Variants in MED20 observed in about 807,000 individuals in gnomAD.
MED20 encodes mediator of RNA polymerase II transcription subunit 20.
In MED20, 19 loss-of-function variants were observed where a neutral mutation model predicts 19.7. That is an observed-to-expected ratio of 0.96 (90% CI 0.67 to 1.42). MED20 has a LOEUF of 1.42. MED20 is among the 40% of genes most tolerant of loss of function. MED20 has a pLI of 0.00. For missense variants in MED20, 225 were observed against 273.0 expected (o/e 0.82, Z 1.24); for synonymous variants, 105 against 104.8 (o/e 1.00, Z -0.01).
chr6:41,913,647 C>T (rs1226971926), intron 2 of MED20, among the ~76,000 whole-genome samples: 1 of 152,134 alleles, frequency 6.6e-6, no homozygotes, highest in Non-Finnish European at 1.5e-5. Flanking sequence ...TGCCTGTAAT[C>T]CTAGCACTTT....
chr6:41,907,217 A>G lies in MED20; in HGVS notation c.494T>C (p.Leu165Pro), dbSNP rs1280849529. The change falls in exon 4 of 4, where the codon CTA (leucine) becomes CCA (proline). Residue 165 changes from leucine to proline, a missense_variant. Leu to Pro is a moderately conservative substitution (Grantham distance 98). Coordinates refer to ENST00000265350, the MANE Select transcript of MED20 (RefSeq NM_004275.5). ...GGGAGCCCCTGGTGTGTGGCTGCCT[A>G]GAAAACTCTGTAGGAACTCGAGCAG... The part of the protein sequence containing the change: ...SLLLEFLQSF[L>P]GSHTPGAPAV... 17 of 1,613,900 alleles carry G rather than the reference A, an allele frequency of 1.1e-5. No individual in the cohort carries two copies. The highest frequency in any genetic ancestry group is 3.3e-5 in the South Asian group (3 of 91,070).
chr6:41,919,060 C>A (rs1031649702), intron 1 of MED20, among the ~76,000 whole-genome samples: 2 of 138,520 alleles, frequency 1.4e-5, no homozygotes, highest in Non-Finnish European at 3.0e-5. Flanking sequence ...ACCCGGGAGG[C>A]GGAGCTTGCA....
Position 41,906,449 on chromosome 6 carries a change from C to G in MED20, c.*623G>C, listed in dbSNP as rs1271836522. 2.6e-5 allele frequency: 4 copies of G among 152,374 alleles called. No individual in the cohort carries two copies. The highest frequency in any genetic ancestry group is 5.9e-5 in the Non-Finnish European group (4 of 68,196). 9.4% of individuals were successfully genotyped at this position (152,374 alleles called of 1,614,324 possible). A position where few individuals can be genotyped will look rare whatever the true frequency, so the allele number is the denominator to read the frequency against. On this transcript the variant is annotated 3_prime_UTR_variant, in exon 4 of 4. Transcript: ENST00000265350. ...AAACTTCGATCTTATAGCAGTTTGG[C>G]CTGTGGCTTAACATATTTCACAACA...
Position 41,905,949 on chromosome 6 carries a change from C to T in MED20, c.*1123G>A, listed in dbSNP as rs1270260836. On this transcript the variant is annotated 3_prime_UTR_variant, in exon 4 of 4. Transcript: ENST00000265350. ...AAGCGGCTCTGAGATCAGCCCTTCTCTCAAGTCAACTCATAAACAAATGCT... is the reference window on the plus strand; with the variant it reads ...AAGCGGCTCTGAGATCAGCCCTTCTTTCAAGTCAACTCATAAACAAATGCT... The T allele has an allele frequency of 6.6e-6, 1 of 152,206 alleles. No homozygotes were observed. The highest frequency in any genetic ancestry group is 1.5e-5 in the Non-Finnish European group (1 of 68,044). 9.4% of individuals were successfully genotyped at this position (152,206 alleles called of 1,614,324 possible).
intron 1 of MED20, among the ~76,000 whole-genome samples, chr6:41,920,106 C>T (rs1192733549): frequency 6.6e-6 from 1 of 152,138 alleles, no homozygotes; most frequent in Non-Finnish European, 1.5e-5. Context: ...GAGCACTGGA[C>T]CCATACCTTT....
At chr6:41,914,261 C>T (rs1775261198) in intron 2 of MED20, among the ~76,000 whole-genome samples, 1 of 152,196 alleles carries the variant, frequency 6.6e-6, no homozygotes, top group Admixed American at 6.5e-5. Flanking sequence ...AAGACACAGC[C>T]ATGGCTAGAG....
chr6:41,910,067 A>G lies in MED20; in HGVS notation c.170-545T>C, dbSNP rs923343661. On this transcript the variant is annotated intron_variant, in intron 2 of 3. Coordinates refer to ENST00000265350, the MANE Select transcript of MED20 (RefSeq NM_004275.5). ...AGCAGGGAAAGGTAGATGGGATCCA[A>G]GCTGTGATAGGTCTTATCTACCATG... is the stretch of plus-strand genomic sequence containing the variant. Among the ~76,000 whole-genome samples the G allele has an allele frequency of 3.3e-5, 5 of 152,092 alleles. No homozygotes were observed. In the South Asian group the frequency reaches 1.0e-3, roughly 32 times the overall value.
chr6:41,916,560 A>G (rs1384110405), intron 2 of MED20, among the ~76,000 whole-genome samples: 2 of 152,194 alleles, frequency 1.3e-5, no homozygotes, highest in Non-Finnish European at 2.9e-5. Flanking sequence ...AGCCTGGGCA[A>G]CAAGAGCAAA....
At chr6:41,911,278 G>A (rs1306476854) in intron 2 of MED20, among the ~76,000 whole-genome samples, 2 of 151,552 alleles carry the variant, frequency 1.3e-5, no homozygotes, top group Non-Finnish European at 2.9e-5. Context: ...AGCCTCCTGA[G>A]TAGCTGGGAT....
chr6:41,916,882 A>G lies in MED20; in HGVS notation c.72T>C (p.Leu24=). ...CCCCAAGCATCTCCAATTTCCGGGT[A>G]AGGAGCTCTACGGTTTGCTGAACAC... ...GKSVQQTVEL[L]TRKLEMLGAE... The change falls in exon 2 of 4, where the codon CTT becomes CTC. Residue 24 remains leucine (L), a synonymous_variant. Coordinates refer to ENST00000265350, the MANE Select transcript of MED20 (RefSeq NM_004275.5). The G allele has an allele frequency of 6.2e-7, 1 of 1,614,094 alleles. No homozygotes were observed. The highest frequency in any genetic ancestry group is 8.5e-7 in the Non-Finnish European group (1 of 1,179,982).
At chr6:41,913,965 A>G (rs567736875) in intron 2 of MED20, among the ~76,000 whole-genome samples, 1 of 152,342 alleles carries the variant, frequency 6.6e-6, no homozygotes, top group South Asian at 2.1e-4. Flanking sequence ...TTAGCACAAC[A>G]TGAGGAGAGA....
chr6:41,906,948 C>T lies in MED20; in HGVS notation c.*124G>A, dbSNP rs555403470. 1.2e-6 allele frequency: 1 copy of T among 818,862 alleles called. No individual in the cohort carries two copies. Among genetic ancestry groups the T allele is most frequent in the Non-Finnish European group, 1.9e-6 (1 of 521,666 alleles). The allele number at this position is 818,862 out of a possible 1,614,324, so 50.7% of individuals were successfully genotyped here. On this transcript the variant is annotated 3_prime_UTR_variant, in exon 4 of 4. Coordinates refer to ENST00000265350, the MANE Select transcript of MED20 (RefSeq NM_004275.5). ...CCAGAACAAAAGCCACAGCTGAGAA[C>T]CAGAGAAGGAGAGTAGAGTCCATGT... is the stretch of plus-strand genomic sequence containing the variant.
At chr6:41,919,192 G>A (rs936071141) in intron 1 of MED20, among the ~76,000 whole-genome samples, 1 of 149,994 alleles carries the variant, frequency 6.7e-6, no homozygotes, top group Non-Finnish European at 1.5e-5. Flanking sequence ...TAAATAACTT[G>A]CACTAGGTCA....
At chr6:41,910,644 A>C (rs969003500) in intron 2 of MED20, among the ~76,000 whole-genome samples, 3 of 151,274 alleles carry the variant, frequency 2.0e-5, no homozygotes, top group African/African-American at 7.3e-5. Context: ...AAAAAAAAAA[A>C]GAAAAAAAAA....
chr6:41,920,589 A>G (rs377177866), intron 1 of MED20, among the ~76,000 whole-genome samples: 19 of 152,138 alleles, frequency 1.2e-4, no homozygotes, highest in African/African-American at 4.1e-4. Flanking sequence ...AGCGTGGCCA[A>G]TATGGTGAAA....
At chr6:41,920,318 A>T (rs1298379380) in intron 1 of MED20, among the ~76,000 whole-genome samples, 2 of 152,194 alleles carry the variant, frequency 1.3e-5, no homozygotes, top group Non-Finnish European at 1.5e-5. Context: ...TTAGAAACAG[A>T]CACAAGCGGG....
At chr6:41,916,737 T>C in intron 2 of MED20, 48 bp downstream of exon 2, 1 of 1,603,926 alleles carries the variant, frequency 6.2e-7, no homozygotes, top group Non-Finnish European at 8.5e-7. Context: ...CAAATGTCTC[T>C]TAACTCCAAG....
chr6:41,907,384 C>G, intron 3 of MED20, 97 bp from the exon 4 acceptor site: 1 of 1,195,540 alleles, frequency 8.4e-7, no homozygotes, highest in African/African-American at 1.5e-5. Context: ...CTTCCCCAAC[C>G]CCGAGCTAAA....
At position 41,905,521 on chromosome 6, in the gene MED20, A is replaced by G. The variant is rs1775024529; in HGVS notation, c.*1551T>C. 6.6e-6 allele frequency: 1 copy of G among 152,222 alleles called. No individual in the cohort carries two copies. The highest frequency in any genetic ancestry group is 6.5e-5 in the Admixed American group (1 of 15,270). 9.4% of individuals were successfully genotyped at this position (152,222 alleles called of 1,614,324 possible). ...TGTCAGCCAAAACTAGAAGGGAAACATGACCACCACCTGACTTGTTGCAGA... is the reference window on the plus strand; with the variant it reads ...TGTCAGCCAAAACTAGAAGGGAAACGTGACCACCACCTGACTTGTTGCAGA... On this transcript the variant is annotated 3_prime_UTR_variant, in exon 4 of 4. Transcript: ENST00000265350.
Sources: allele counts gnomAD v4.1 joint callset (sites outside exome capture counted in the v4.1 genomes callset), GRCh38; gene constraint gnomAD v4.1.1; transcripts MANE v1.5; gene names NCBI Gene and HGNC (gene_info 2026-07-23, HGNC 2026-07-21).